The following KIAA1549L variants were observed in gnomAD, a reference collection of about 807,000 sequenced individuals.
KIAA1549L encodes UPF0606 protein KIAA1549L.
In KIAA1549L, 88 loss-of-function variants were observed where a neutral mutation model predicts 160.7. The ratio of observed to expected loss-of-function variants is 0.55; its 90% CI spans 0.46 to 0.65. KIAA1549L has a LOEUF of 0.65. KIAA1549L is among the 30% of genes least tolerant of loss of function. The pLI, the probability that KIAA1549L is intolerant of heterozygous loss-of-function variation, is 0.00. For synonymous variants in KIAA1549L, 950 were observed against 976.7 expected, an observed-to-expected ratio of 0.97 and a Z score of 0.51; for missense variants, 2,258 against 2,437.5, an observed-to-expected ratio of 0.93 and a Z score of 1.55.
rs142070995 is a variant in KIAA1549L, at chr11:33,504,581, C to A, written c.239-37221C>A. Among the ~76,000 whole-genome samples, 486 of 152,162 alleles carry A rather than the reference C, an allele frequency of 3.2e-3. 6 individuals carry two copies. The highest frequency in any genetic ancestry group is 0.011 in the African/African-American group (438 of 41,504). The stretch of plus-strand genomic sequence containing the variant: ...CTCCCAGGCTTAAGCGATTCTCATG[C>A]CTCAGCCTCCCAAATAGCTGGGACT... On this transcript the variant is annotated intron_variant, in intron 1 of 20. Coordinates refer to ENST00000658780, the MANE Select transcript of KIAA1549L (RefSeq NM_012194.3).
rs545277777 is a variant in KIAA1549L, at chr11:33,421,781, A to G, written c.238+44892A>G. On this transcript the variant is annotated intron_variant, in intron 1 of 20. Coordinates refer to ENST00000658780, the MANE Select transcript of KIAA1549L (RefSeq NM_012194.3). ...TTTAATAGAATTTTGGCCATCATAC[A>G]TCAGTACCAGTGTGAACTCAGAGTG... 6.0e-4 allele frequency among the ~76,000 whole-genome samples: 92 copies of G among 152,306 alleles called. 1 individual carries two copies. In the South Asian group the frequency reaches 0.017, roughly 29 times the overall value.
intron 6 of KIAA1549L, among the ~76,000 whole-genome samples, chr11:33,555,510 G>A (rs1243860977): frequency 6.6e-6 from 1 of 152,188 alleles, no homozygotes; most frequent in Non-Finnish European, 1.5e-5. Context: ...AAACCCTCTT[G>A]TATATGGTCA....
intron 1 of KIAA1549L, among the ~76,000 whole-genome samples, chr11:33,450,116 C>T (rs80183764): frequency 0.011 from 1,616 of 152,338 alleles, 7 homozygotes; most frequent in South Asian, 0.04. Flanking sequence ...TCAAGCATAA[C>T]TGAACACCTC....
At chr11:33,537,939 T>G (rs1853929916) in intron 1 of KIAA1549L, among the ~76,000 whole-genome samples, 1 of 152,214 alleles carries the variant, frequency 6.6e-6, no homozygotes. Context: ...AGTTGATACT[T>G]TGGAATGATA....
At chr11:33,529,080 A>G (rs1004840667) in intron 1 of KIAA1549L, among the ~76,000 whole-genome samples, 1 of 152,254 alleles carries the variant, frequency 6.6e-6, no homozygotes, top group African/African-American at 2.4e-5. Context: ...TTATGCCTGT[A>G]ATCTCAGCAC....
At chr11:33,545,485 C>T (rs992299207) in intron 3 of KIAA1549L, 107 bp downstream of exon 3, 54 of 1,319,664 alleles carry the variant, frequency 4.1e-5, no homozygotes, top group Non-Finnish European at 5.3e-5. Flanking sequence ...ATTTTTCCAC[C>T]CTCCCCCAGG....
intron 1 of KIAA1549L, among the ~76,000 whole-genome samples, chr11:33,459,148 T>C (rs749668788): frequency 2.0e-5 from 3 of 152,260 alleles, no homozygotes; most frequent in Non-Finnish European, 4.4e-5. Flanking sequence ...ATTTCAACTC[T>C]ACAGCAGCTT....
In KIAA1549L at chr11:33,403,300, C is replaced by CACACA. The variant is rs74219582; in HGVS notation, c.238+26411_238+26412insACACA. On this transcript the variant is annotated intron_variant, in intron 1 of 20. Coordinates refer to ENST00000658780, the MANE Select transcript of KIAA1549L (RefSeq NM_012194.3). ...AGACACAGACACACACACACACACA[C>CACACA]GCATACACGGACACAGACACACACG... 34 of 2,320 alleles carry CACACA rather than the reference C, an allele frequency of 0.015. No homozygotes were observed. The Middle Eastern group carries it at 0.3, about 20-fold the overall frequency. 0.1% of individuals were successfully genotyped at this position (2,320 alleles called of 1,614,324 possible).
chr11:33,444,216 C>T (rs1223889024), intron 1 of KIAA1549L, among the ~76,000 whole-genome samples: 2 of 152,162 alleles, frequency 1.3e-5, no homozygotes, highest in Non-Finnish European at 1.5e-5. Context: ...TTGTTCTTTT[C>T]GGTAGCTATG....
chr11:33,600,567 T>G (rs1181978955), intron 13 of KIAA1549L, among the ~76,000 whole-genome samples: 1 of 137,532 alleles, frequency 7.3e-6, no homozygotes, highest in Non-Finnish European at 1.5e-5. Flanking sequence ...CTTCCTTTCC[T>G]TCCTTCCTTC....
chr11:33,487,446 C>T (rs890878934), intron 1 of KIAA1549L, among the ~76,000 whole-genome samples: 3 of 142,394 alleles, frequency 2.1e-5, no homozygotes, highest in African/African-American at 7.9e-5. Flanking sequence ...GTATCCTTAG[C>T]AGCCAACATC....
chr11:33,402,095 C>G (rs951369007), intron 1 of KIAA1549L, among the ~76,000 whole-genome samples: 1 of 152,176 alleles, frequency 6.6e-6, no homozygotes, highest in African/African-American at 2.4e-5. Context: ...TGTTACAACT[C>G]CAGCATAGAC....
chr11:33,406,104 C>A (rs1182977042), intron 1 of KIAA1549L, among the ~76,000 whole-genome samples: 1 of 152,140 alleles, frequency 6.6e-6, no homozygotes, highest in Non-Finnish European at 1.5e-5. Context: ...GAAAAATGGC[C>A]ACTGTGATGA....
intron 16 of KIAA1549L, among the ~76,000 whole-genome samples, chr11:33,630,856 G>C (rs1851266198): frequency 6.6e-6 from 1 of 152,202 alleles, no homozygotes; most frequent in East Asian, 1.9e-4. Context: ...TACCTACTCT[G>C]CTGGCTGGCA....
rs142563631 is a variant in KIAA1549L at position 33,535,396 on chromosome 11, G to A, written c.239-6406G>A. 1.9e-3 allele frequency among the ~76,000 whole-genome samples: 291 copies of A among 152,222 alleles called. 3 individuals carry two copies. The highest frequency in any genetic ancestry group is 6.0e-3 in the African/African-American group (249 of 41,546). On this transcript the variant is annotated intron_variant, in intron 1 of 20. Transcript: ENST00000658780. ...GTTAGAAGAAATCACAGGTTGGCTG[G>A]GCATGGTGGCTCATGCTGGTAATCT...
At chr11:33,578,800 G>A (rs187524299) in intron 10 of KIAA1549L, among the ~76,000 whole-genome samples, 2 of 152,338 alleles carry the variant, frequency 1.3e-5, no homozygotes, top group East Asian at 3.9e-4. Flanking sequence ...CTGAGGCACA[G>A]CCCTCTGTCT....
At chr11:33,451,534 C>T (rs1189798900) in intron 1 of KIAA1549L, among the ~76,000 whole-genome samples, 15 of 152,230 alleles carry the variant, frequency 9.9e-5, no homozygotes, top group Admixed American at 9.2e-4. Flanking sequence ...GCAAATTTAT[C>T]ATCCTGCGTA....
intron 1 of KIAA1549L, among the ~76,000 whole-genome samples, chr11:33,392,482 A>G (rs1463496824): frequency 6.6e-6 from 1 of 152,222 alleles, no homozygotes; most frequent in Non-Finnish European, 1.5e-5. Context: ...AATTTTACAT[A>G]CAATGAAATA....
chr11:33,633,965 A>G (rs1851371574), intron 16 of KIAA1549L, among the ~76,000 whole-genome samples: 2 of 152,222 alleles, frequency 1.3e-5, no homozygotes, highest in Admixed American at 6.5e-5. Flanking sequence ...AACATTAGCT[A>G]TTATAACTCC....
Sources: gnomAD v4.1 joint callset for allele counts (sites outside exome capture counted in the v4.1 genomes callset) on GRCh38, gnomAD v4.1.1 for gene constraint, MANE v1.5 for transcripts, NCBI Gene and HGNC (gene_info 2026-07-23, HGNC 2026-07-21) for gene names.